MPHOSPH9: variants seen among roughly 807,000 people sequenced by gnomAD.
The protein encoded by MPHOSPH9 is M-phase phosphoprotein 9.
Under a neutral mutation model 145.5 loss-of-function variants are expected in MPHOSPH9, and 88 were observed. That is an observed-to-expected ratio of 0.60 (90% confidence interval 0.51 to 0.72). The LOEUF is 0.72. Ranked by LOEUF, MPHOSPH9 falls within the 30% of genes least tolerant of loss-of-function variation. The pLI is 0.00. For missense variants in MPHOSPH9, 1,238 were observed against 1,386.6 expected, an observed-to-expected ratio of 0.89 and a Z score of 1.70; for synonymous variants, 435 against 486.2, an observed-to-expected ratio of 0.89 and a Z score of 1.39.
chr12:123,218,953 G>C (rs2047083971), intron 5 of MPHOSPH9, among the ~76,000 whole-genome samples: 1 of 152,004 alleles, frequency 6.6e-6, no homozygotes, highest in East Asian at 1.9e-4. Flanking sequence ...CTAGAATGCA[G>C]CGGCAGTGGT....
chr12:123,223,005 T>C, intron 4 of MPHOSPH9, 33 bp downstream of exon 4: 2 of 1,259,096 alleles, frequency 1.6e-6, no homozygotes, highest in Non-Finnish European at 2.2e-6. Flanking sequence ...TATATGTATA[T>C]AAAAAAAGGA....
At chr12:123,204,453 G>C (rs748013576) in intron 8 of MPHOSPH9, among the ~76,000 whole-genome samples, 5 of 152,168 alleles carry the variant, frequency 3.3e-5, no homozygotes, top group Non-Finnish European at 7.3e-5. Flanking sequence ...TGTTAAAAGA[G>C]TTGGCCAAAC....
In MPHOSPH9 at chr12:123,165,015, C is replaced by CAAA. The variant is rs35219995; in HGVS notation, c.2767+284_2767+286dup. Among the ~76,000 whole-genome samples the CAAA allele has an allele frequency of 1.4e-3, 113 of 82,722 alleles. 1 individual carries two copies. The highest frequency in any genetic ancestry group is 2.1e-3 in the African/African-American group (42 of 20,450). The allele number at this position is 82,722 out of a possible 152,430, so 54.3% of individuals were successfully genotyped here. On this transcript the variant is annotated intron_variant, in intron 18 of 23. Transcript: ENST00000606320. Reference sequence around the variant, plus strand: ...AGAGTGAGACTCTGTCTCACTGTCTCAAAAAAAAAAAAAAAAAAAAAAGAA... The same window carrying CAAA: ...AGAGTGAGACTCTGTCTCACTGTCTCAAAAAAAAAAAAAAAAAAAAAAAAAGAA...
chr12:123,210,226 A>G (rs2046644677), intron 7 of MPHOSPH9, 64 bp from the exon 8 acceptor site: 1 of 902,602 alleles, frequency 1.1e-6, no homozygotes, highest in Admixed American at 2.7e-5. Context: ...TTTCTAGAAT[A>G]ACATTTCTAC....
At chr12:123,222,948 G>C in intron 4 of MPHOSPH9, 90 bp downstream of exon 4, 1 of 734,038 alleles carries the variant, frequency 1.4e-6, no homozygotes, top group Non-Finnish European at 2.0e-6. Context: ...ATATATGTGT[G>C]TGTGTATATA....
downstream of MPHOSPH9, chr12:123,152,964 C>CTAA (rs1033764983): frequency 8.2e-5 from 13 of 158,512 alleles, no homozygotes; most frequent in Admixed American, 8.3e-4. Context: ...ACAAAAGTGT[C>CTAA]TAATTTTACT....
chr12:123,191,485 G>T (rs1194976685), intron 13 of MPHOSPH9, among the ~76,000 whole-genome samples: 1 of 152,126 alleles, frequency 6.6e-6, no homozygotes, highest in Non-Finnish European at 1.5e-5. Context: ...AGAGGCAAGG[G>T]TTTTACCGTG....
intron 16 of MPHOSPH9, among the ~76,000 whole-genome samples, chr12:123,168,327 G>A (rs1405594370): frequency 6.6e-6 from 1 of 151,438 alleles, no homozygotes; most frequent in African/African-American, 2.4e-5. Context: ...CTGACCGCCT[G>A]GCAACATGAC....
At chr12:123,160,507 T>C (rs1245708062) in intron 23 of MPHOSPH9, 3 of 373,846 alleles carry the variant, frequency 8.0e-6, no homozygotes, top group East Asian at 4.4e-5. Context: ...GAAAAGCATA[T>C]TGCCATTTGC....
At chr12:123,157,354 A>G (rs2043911039) in intron 23 of MPHOSPH9, among the ~76,000 whole-genome samples, 2 of 144,120 alleles carry the variant, frequency 1.4e-5, no homozygotes, top group Non-Finnish European at 3.0e-5. Flanking sequence ...TAAAAAGGAA[A>G]AAAAAAAAAC....
At chr12:123,166,182 T>G (rs1266640257) in intron 17 of MPHOSPH9, among the ~76,000 whole-genome samples, 1 of 152,210 alleles carries the variant, frequency 6.6e-6, no homozygotes, top group East Asian at 1.9e-4. Flanking sequence ...CATAGCTCAC[T>G]GTAGCCTTGA....
At chr12:123,218,798 G>A (rs1035784276) in intron 5 of MPHOSPH9, among the ~76,000 whole-genome samples, 2 of 152,058 alleles carry the variant, frequency 1.3e-5, no homozygotes, top group Non-Finnish European at 2.9e-5. Flanking sequence ...TTACAGGCAT[G>A]AGCCACCACA....
At chr12:123,217,252 C>CAATG (rs1323770975) in intron 6 of MPHOSPH9, among the ~76,000 whole-genome samples, 1 of 151,594 alleles carries the variant, frequency 6.6e-6, no homozygotes, top group African/African-American at 2.4e-5. Flanking sequence ...GGCCGGAGTG[C>CAATG]AATGGCGTGA....
At chr12:123,181,313 A>C in intron 13 of MPHOSPH9, 103 bp from the exon 14 acceptor site, 1 of 898,174 alleles carries the variant, frequency 1.1e-6, no homozygotes. Context: ...CAAAAATGCC[A>C]ATGTCATGAA....
intron 1 of MPHOSPH9, among the ~76,000 whole-genome samples, chr12:123,242,021 C>T (rs1309692481): frequency 6.6e-6 from 1 of 152,170 alleles, no homozygotes; most frequent in Non-Finnish European, 1.5e-5. Context: ...TTGTGCTTGT[C>T]TTCATTTCTC....
At chr12:123,181,721 A>G (rs1427162742) in intron 13 of MPHOSPH9, among the ~76,000 whole-genome samples, 1 of 151,756 alleles carries the variant, frequency 6.6e-6, no homozygotes, top group Non-Finnish European at 1.5e-5. Context: ...ACAAAGAGAG[A>G]CCCCGTCTTA....
At chr12:123,200,817 T>A (rs2046189667) in intron 11 of MPHOSPH9, among the ~76,000 whole-genome samples, 1 of 151,810 alleles carries the variant, frequency 6.6e-6, no homozygotes, top group Non-Finnish European at 1.5e-5. Flanking sequence ...CACCACCACA[T>A]CCAGCTGCTT....
At chr12:123,218,966 A>G (rs1205630491) in intron 5 of MPHOSPH9, among the ~76,000 whole-genome samples, 1 of 151,904 alleles carries the variant, frequency 6.6e-6, no homozygotes, top group Non-Finnish European at 1.5e-5. Context: ...GCAGTGGTGC[A>G]ATGACAGCTC....
intron 16 of MPHOSPH9, among the ~76,000 whole-genome samples, chr12:123,167,913 G>A (rs1363783533): frequency 6.6e-6 from 1 of 152,118 alleles, no homozygotes; most frequent in African/African-American, 2.4e-5. Flanking sequence ...TCTCTCCAGT[G>A]AGGTGACCCT....
Sources: gnomAD v4.1 joint callset for allele counts (sites outside exome capture counted in the v4.1 genomes callset) on GRCh38, gnomAD v4.1.1 for gene constraint, MANE v1.5 for transcripts, NCBI Gene and HGNC (gene_info 2026-07-23, HGNC 2026-07-21) for gene names.